TIPRL: variants seen among roughly 807,000 people sequenced by gnomAD.
The protein encoded by TIPRL is TIP41-like protein.
A neutral mutation model predicts 32.3 loss-of-function variants in TIPRL; 10 were observed. The ratio of observed to expected loss-of-function variants is 0.31; its 90% CI spans 0.19 to 0.52. The LOEUF is 0.52. TIPRL is among the 20% of genes least tolerant of loss of function. The pLI, the probability that TIPRL is intolerant of heterozygous loss-of-function variation, is 0.96. For synonymous variants in TIPRL, 100 were observed against 114.0 expected, an observed-to-expected ratio of 0.88 and a Z score of 0.78; for missense variants, 250 against 328.1, an observed-to-expected ratio of 0.76 and a Z score of 1.84.
At chr1:168,197,017 T>C (rs1700166128) in intron 5 of TIPRL, among the ~76,000 whole-genome samples, 1 of 152,210 alleles carries the variant, frequency 6.6e-6, no homozygotes, top group South Asian at 2.1e-4. Flanking sequence ...TACATTAATA[T>C]ATTAATCAGG....
At position 168,193,001 on chromosome 1, in the gene TIPRL, T is replaced by C. The variant is rs138152260; in HGVS notation, c.516+1501T>C. On this transcript the variant is annotated intron_variant, in intron 4 of 6. Coordinates refer to ENST00000367833, the MANE Select transcript of TIPRL (RefSeq NM_152902.5). ...AAACATTGTTCTTGGGGCATAATGA[T>C]TGTGGATGCTGTGATTTAAAGAATG... Among the ~76,000 whole-genome samples, 23 of 152,282 alleles carry C rather than the reference T, an allele frequency of 1.5e-4. 1 individual carries two copies. The East Asian group carries it at 4.4e-3, about 29-fold the overall frequency.
intron 1 of TIPRL, among the ~76,000 whole-genome samples, chr1:168,180,849 A>C (rs1362096622): frequency 9.2e-6 from 1 of 108,704 alleles, no homozygotes; most frequent in East Asian, 3.0e-4. Context: ...TTTTTAGTAG[A>C]GACGGAGTTT....
intron 4 of TIPRL, among the ~76,000 whole-genome samples, chr1:168,194,544 G>A (rs1700132827): frequency 6.6e-6 from 1 of 152,148 alleles, no homozygotes; most frequent in African/African-American, 2.4e-5. Context: ...AAGAAATGTT[G>A]CAAGTCAGTT....
Position 168,178,991 on chromosome 1 carries a change from G to A in TIPRL, c.-87G>A, listed in dbSNP as rs959579292. 12 of 1,236,638 alleles carry A rather than the reference G, an allele frequency of 9.7e-6. 1 individual carries two copies. In the African/African-American group the frequency reaches 1.8e-4, roughly 18 times the overall value. The allele number at this position is 1,236,638 out of a possible 1,614,324, so 76.6% of individuals were successfully genotyped here. A position where few individuals can be genotyped will look rare whatever the true frequency, so the allele number is the denominator to read the frequency against. On this transcript the variant is annotated 5_prime_UTR_variant, in exon 1 of 7. Transcript: ENST00000367833. ...TAACGGCTCGGAAGCCTAGGAGGCTGGGCCGGAGGGAGGCGGAGGAACCGG... is the reference window on the plus strand; with the variant it reads ...TAACGGCTCGGAAGCCTAGGAGGCTAGGCCGGAGGGAGGCGGAGGAACCGG...
chr1:168,199,870 T>C, intron 6 of TIPRL, 33 bp from the exon 7 acceptor site: 3 of 1,583,268 alleles, frequency 1.9e-6, no homozygotes, highest in Non-Finnish European at 2.6e-6. Context: ...GTACAGTAAC[T>C]GAATATGCTA....
At chr1:168,195,688 T>C (rs2294251) in intron 4 of TIPRL, among the ~76,000 whole-genome samples, 43,445 of 152,022 alleles carry the variant, frequency 0.29, 7,011 homozygotes, top group Admixed American at 0.44. Flanking sequence ...TCCTCCCAGC[T>C]TAGCCTTCCA....
rs775627089 is a variant in TIPRL, at chr1:168,179,100, G to A, written c.23G>A (p.Ser8Asn). 6.2e-7 allele frequency: 1 copy of A among 1,613,962 alleles called. No individual in the cohort carries two copies. The highest frequency in any genetic ancestry group is 2.2e-5 in the East Asian group (1 of 44,864). Residue 8 changes from serine to asparagine, a missense_variant, in exon 1 of 7, where the codon AGC (serine) becomes AAC (asparagine). Coordinates refer to ENST00000367833, the MANE Select transcript of TIPRL (RefSeq NM_152902.5). MMIHGFQSSHRDFCFGPW... is the reference protein window; with the variant it reads MMIHGFQNSHRDFCFGPW... The stretch of plus-strand genomic sequence containing the variant: ...GCCATGATGATCCACGGCTTCCAGA[G>A]CAGCCACCGGGATTTCTGCTTCGGG...
At chr1:168,184,108 C>A (rs1558162392) in intron 2 of TIPRL, 27 bp downstream of exon 2, 13 of 1,570,400 alleles carry the variant, frequency 8.3e-6, no homozygotes, top group Admixed American at 5.4e-5. Context: ...TTAGGTTAAA[C>A]AAAAAAGGTA....
intron 5 of TIPRL, 39 bp from the exon 6 acceptor site, chr1:168,198,870 GTAAATCAGTA>G (rs751451906): frequency 2.7e-6 from 4 of 1,504,430 alleles, no homozygotes; most frequent in Non-Finnish European, 3.6e-6. Context: ...AAAGGATTTT[GTAAATCAGTA>G]TAATTAAATT....
intron 3 of TIPRL, among the ~76,000 whole-genome samples, chr1:168,190,984 T>C (rs1007418134): frequency 2.0e-5 from 3 of 152,242 alleles, no homozygotes; most frequent in African/African-American, 7.2e-5. Context: ...TCCATATGAA[T>C]GTCCTAAAAG....
intron 1 of TIPRL, among the ~76,000 whole-genome samples, chr1:168,183,374 G>A (rs1699989963): frequency 1.1e-5 from 1 of 91,746 alleles, no homozygotes; most frequent in South Asian, 2.6e-4. Context: ...TTAAATTCCT[G>A]TGATTTTTTT....
chr1:168,184,342 C>T (rs745857288), intron 2 of TIPRL, among the ~76,000 whole-genome samples: 13 of 152,138 alleles, frequency 8.5e-5, no homozygotes, highest in Non-Finnish European at 1.6e-4. Flanking sequence ...TTCAGTGTTC[C>T]TTACTGAAGA....
intron 6 of TIPRL, 75 bp downstream of exon 6, chr1:168,199,056 C>T (rs2102314384): frequency 9.0e-7 from 1 of 1,109,904 alleles, no homozygotes; most frequent in Non-Finnish European, 1.3e-6. Context: ...ATACCCCTGA[C>T]CCCAACCACC....
chr1:168,191,858 CAAAA>C (rs60988834), intron 4 of TIPRL, among the ~76,000 whole-genome samples: 3 of 38,904 alleles, frequency 7.7e-5, no homozygotes, highest in Admixed American at 6.2e-4. Flanking sequence ...GGCGACAGAG[CAAAA>C]AAAAAAAAAA....
At position 168,183,915 on chromosome 1, in the gene TIPRL, T is replaced by C; in HGVS notation, c.118T>C (p.Leu40=). ...GGTTACGTATAGATTAGCCGATGAA[T>C]TACATATGCCATCTCTCCCTGAAAT... ...SADVEKLADE[L]HMPSLPEMMF... Residue 40 remains leucine, a synonymous_variant, in exon 2 of 7, where the codon TTA becomes CTA. Transcript: ENST00000367833. 1 of 1,613,608 alleles carries C rather than the reference T, an allele frequency of 6.2e-7. No individual in the cohort carries two copies. Among genetic ancestry groups the C allele is most frequent in the South Asian group, 1.1e-5 (1 of 91,064 alleles).
chr1:168,185,666 A>G (rs1279575747), intron 3 of TIPRL, among the ~76,000 whole-genome samples: 1 of 150,600 alleles, frequency 6.6e-6, no homozygotes, highest in South Asian at 2.1e-4. Context: ...GCTACTCAGG[A>G]GGCTGAGGGA....
chr1:168,186,428 A>G (rs2050174), intron 3 of TIPRL, among the ~76,000 whole-genome samples: 43,025 of 151,806 alleles, frequency 0.28, 6,827 homozygotes, highest in Admixed American at 0.44. Context: ...CCCAGGAGGT[A>G]GAGGTTGCAG....
intron 3 of TIPRL, among the ~76,000 whole-genome samples, chr1:168,190,311 A>T (rs1162850107): frequency 2.0e-5 from 3 of 151,982 alleles, no homozygotes; most frequent in Non-Finnish European, 4.4e-5. Context: ...TGGAAGAATT[A>T]TGGACATTTT....
At chr1:168,198,895 G>T in intron 5 of TIPRL, 24 bp from the exon 6 acceptor site, 1 of 1,591,592 alleles carries the variant, frequency 6.3e-7, no homozygotes, top group Non-Finnish European at 8.6e-7. Context: ...TAAATTTATT[G>T]CAACTGTTTA....
Sources: allele counts gnomAD v4.1 joint callset (sites outside exome capture counted in the v4.1 genomes callset), GRCh38; gene constraint gnomAD v4.1.1; transcripts MANE v1.5; gene names NCBI Gene and HGNC (gene_info 2026-07-23, HGNC 2026-07-21).